The following PRDM11 variants were observed in gnomAD, a reference collection of about 807,000 sequenced individuals.
The protein encoded by PRDM11 is PR domain-containing protein 11.
A neutral mutation model predicts 97.8 loss-of-function variants in PRDM11; 20 were observed. The observed-to-expected ratio is 0.20, with a 90% CI of 0.14 to 0.30. PRDM11 has a LOEUF of 0.30. PRDM11 is among the 10% of genes least tolerant of loss of function. The pLI, the probability that PRDM11 is intolerant of heterozygous loss-of-function variation, is 1.00. For missense variants in PRDM11, 1,139 were observed against 1,555.2 expected, an observed-to-expected ratio of 0.73 and a Z score of 4.50; for synonymous variants, 599 against 637.7, an observed-to-expected ratio of 0.94 and a Z score of 0.91.
At chr11:45,122,694 G>A (rs1439204599) in intron 1 of PRDM11, among the ~76,000 whole-genome samples, 2 of 152,076 alleles carry the variant, frequency 1.3e-5, no homozygotes, top group Non-Finnish European at 2.9e-5. Context: ...TGGCTGCATA[G>A]TATTCCATGG....
intron 4 of PRDM11, among the ~76,000 whole-genome samples, chr11:45,194,845 G>A (rs368036476): frequency 5.9e-5 from 9 of 151,750 alleles, no homozygotes; most frequent in East Asian, 1.9e-4. Flanking sequence ...TGATCCGCCC[G>A]CCTCGGCCTC....
rs35090414 is a variant in PRDM11, at chr11:45,224,227, G to T, written c.753G>T (p.Arg251Ser). The change falls in exon 7 of 8, where the codon AGG becomes AGT. Residue 251 changes from arginine (R) to serine (S), a missense_variant. Transcript: ENST00000683152. ...IHRNLARGEK[R>S]LQREKSEQVL... is the part of the protein sequence containing the mutation. ...GGTTTTCCTTCCTAGGAGAGAAGAG[G>T]TTGCAGAGGGAGAAGTCTGAGCAGG... 126,072 of 1,586,516 alleles carry T rather than the reference G, an allele frequency of 0.079. 5,580 individuals are homozygous for T. Among genetic ancestry groups the T allele is most frequent in the Admixed American group, 0.15 (8,081 of 54,936 alleles).
intron 1 of PRDM11, among the ~76,000 whole-genome samples, chr11:45,117,362 C>G (rs1028982327): frequency 6.6e-6 from 1 of 151,984 alleles, no homozygotes; most frequent in African/African-American, 2.4e-5. Flanking sequence ...ATATAAGTCA[C>G]TGATGCAATA....
chr11:45,152,446 G>A (rs1268000114), intron 1 of PRDM11, among the ~76,000 whole-genome samples: 3 of 152,092 alleles, frequency 2.0e-5, no homozygotes, highest in African/African-American at 4.8e-5. Flanking sequence ...TTAGTGCATA[G>A]CACTTATCCC....
At chr11:45,149,130 C>T (rs1367986739) in intron 1 of PRDM11, among the ~76,000 whole-genome samples, 1 of 152,230 alleles carries the variant, frequency 6.6e-6, no homozygotes, top group Non-Finnish European at 1.5e-5. Flanking sequence ...CAAGCCATCG[C>T]TGTCTCTCCC....
chr11:45,122,281 G>C (rs530350638), intron 1 of PRDM11, among the ~76,000 whole-genome samples: 3 of 149,548 alleles, frequency 2.0e-5, no homozygotes, highest in African/African-American at 7.4e-5. Context: ...TATCAGTACA[G>C]GTTCTAGAGA....
rs1854344724 is a variant in PRDM11 at position 45,229,029 on chromosome 11, A to G, written c.*870A>G. ...TACGAGGTGGAGGATAAAACAATAT[A>G]ATTCCATTCCAATCCAGGGCTTTTG... On this transcript the variant is annotated 3_prime_UTR_variant, in exon 8 of 8. Transcript: ENST00000683152. 1.3e-5 allele frequency: 2 copies of G among 152,176 alleles called. No individual in the cohort carries two copies. Among genetic ancestry groups the G allele is most frequent in the South Asian group, 2.1e-4 (1 of 4,828 alleles). 9.4% of individuals were successfully genotyped at this position (152,176 alleles called of 1,614,324 possible). A position where few individuals can be genotyped will look rare whatever the true frequency, so the allele number is the denominator to read the frequency against.
upstream of PRDM11, among the ~76,000 whole-genome samples, chr11:45,142,545 C>T (rs1253174420): frequency 1.3e-5 from 2 of 152,178 alleles, no homozygotes; most frequent in Non-Finnish European, 2.9e-5. Flanking sequence ...CATGCCTCAA[C>T]AGGAGGGACT....
chr11:45,122,190 G>GACACAC (rs1186105010), intron 1 of PRDM11, among the ~76,000 whole-genome samples: 1 of 126,944 alleles, frequency 7.9e-6, no homozygotes, highest in African/African-American at 2.8e-5. Flanking sequence ...GACACAGACA[G>GACACAC]ACACACACAC....
intron 1 of PRDM11, among the ~76,000 whole-genome samples, chr11:45,107,050 G>A (rs552871225): frequency 1.3e-4 from 20 of 152,188 alleles, no homozygotes; most frequent in Non-Finnish European, 2.4e-4. Context: ...AGTGGGGTGG[G>A]TTGGCCAGCA....
At chr11:45,182,439 T>A (rs1852543501) in intron 3 of PRDM11, 90 bp downstream of exon 3, 1 of 1,207,308 alleles carries the variant, frequency 8.3e-7, no homozygotes, top group Non-Finnish European at 1.2e-6. Context: ...GCTACTAAGA[T>A]AGGTCCTCAC....
intron 1 of PRDM11, among the ~76,000 whole-genome samples, chr11:45,121,695 C>T (rs1263193198): frequency 2.6e-5 from 4 of 152,080 alleles, no homozygotes; most frequent in Admixed American, 2.0e-4. Flanking sequence ...CACAATGGGT[C>T]ATAAAGCAAT....
At chr11:45,213,417 A>G in intron 5 of PRDM11, 1 of 446,058 alleles carries the variant, frequency 2.2e-6, no homozygotes, top group South Asian at 1.6e-5. Context: ...TCGGCCTCCC[A>G]CATGTGACCT....
At chr11:45,225,048 G>A (rs1423658201) in intron 7 of PRDM11, 1 of 1,445,700 alleles carries the variant, frequency 6.9e-7, no homozygotes, top group African/African-American at 1.4e-5. Context: ...TCCATGTGTT[G>A]CCCTTGTATC....
At position 45,233,761 on chromosome 11, in the gene PRDM11, AG is replaced by A. The variant is rs146821871; in HGVS notation, c.*5605del. 0.096 allele frequency: 14,683 copies of A among 152,384 alleles called. 977 individuals are homozygous for A. The highest frequency in any genetic ancestry group is 0.14 in the Non-Finnish European group (9,849 of 68,062). The allele number at this position is 152,384 out of a possible 1,614,324, so 9.4% of individuals were successfully genotyped here. On this transcript the variant is annotated 3_prime_UTR_variant, in exon 8 of 8. Coordinates refer to ENST00000683152, the MANE Select transcript of PRDM11 (RefSeq NM_001384648.1). ...CCCACCATCCACAGGCTTTCTGGCC[AG>A]GGCAGGGGGCATCAGCTAGCAGGAA...
chr11:45,122,497 C>A (rs867958749), intron 1 of PRDM11, among the ~76,000 whole-genome samples: 1 of 144,658 alleles, frequency 6.9e-6, no homozygotes, highest in Admixed American at 7.0e-5. Context: ...CCCCTCCCTC[C>A]ACCCCACAAC....
intron 1 of PRDM11, among the ~76,000 whole-genome samples, chr11:45,115,942 GA>G (rs1288816395): frequency 6.0e-5 from 8 of 134,304 alleles, no homozygotes; most frequent in African/African-American, 2.3e-4. Context: ...AAAAAAAAAA[GA>G]AAAAAAGAAA....
chr11:45,154,492 C>G (rs889850007), intron 1 of PRDM11, among the ~76,000 whole-genome samples: 1 of 152,200 alleles, frequency 6.6e-6, no homozygotes, highest in Admixed American at 6.5e-5. Context: ...TGAAATGATA[C>G]TGGGTACGGG....
chr11:45,182,857 C>T lies in PRDM11; in HGVS notation c.224-4C>T, dbSNP rs755008622. ...GGCCCTCCCTTCTCTTTCCATCCCTCCAGTCTGTGAGTCCTGCCAGGAGTA... is the reference window on the plus strand; with the variant it reads ...GGCCCTCCCTTCTCTTTCCATCCCTTCAGTCTGTGAGTCCTGCCAGGAGTA... On this transcript the variant is annotated splice_polypyrimidine_tract_variant and splice_region_variant and intron_variant, in intron 3 of 7. Coordinates refer to ENST00000683152, the MANE Select transcript of PRDM11 (RefSeq NM_001384648.1). 2.8e-5 allele frequency: 44 copies of T among 1,575,006 alleles called. No homozygotes were observed. The highest frequency in any genetic ancestry group is 3.8e-5 in the Non-Finnish European group (44 of 1,159,112).
Sources: allele counts gnomAD v4.1 joint callset (sites outside exome capture counted in the v4.1 genomes callset), GRCh38; gene constraint gnomAD v4.1.1; transcripts MANE v1.5; gene names NCBI Gene and HGNC (gene_info 2026-07-23, HGNC 2026-07-21).